Variants in SENP6 observed in about 807,000 individuals in gnomAD.
SENP6 encodes sentrin-specific protease 6.
In SENP6, 41 loss-of-function variants were observed where a neutral mutation model predicts 134.5. The ratio of observed to expected loss-of-function variants is 0.30; its 90% CI spans 0.24 to 0.40. SENP6 has a LOEUF of 0.40. Among genes scored for constraint, SENP6 ranks in the 10% least tolerant of loss-of-function variants. SENP6 has a pLI of 1.00. For missense variants in SENP6, 1,248 were observed against 1,312.5 expected, an observed-to-expected ratio of 0.95 and a Z score of 0.76; for synonymous variants, 395 against 429.8, an observed-to-expected ratio of 0.92 and a Z score of 1.00.
At chr6:75,701,633 C>CTTTTTTTTTT (rs60715314) in intron 18 of SENP6, among the ~76,000 whole-genome samples, 5 of 80,112 alleles carry the variant, frequency 6.2e-5, no homozygotes, top group African/African-American at 9.9e-5. Flanking sequence ...ACAGTTTAAT[C>CTTTTTTTTTT]TTTTTTTTTT....
chr6:75,692,299 T>C (rs1774333937), intron 16 of SENP6, among the ~76,000 whole-genome samples: 1 of 151,908 alleles, frequency 6.6e-6, no homozygotes, highest in African/African-American at 2.4e-5. Flanking sequence ...TGGGTGCATA[T>C]CAGAAAAACG....
intron 19 of SENP6, among the ~76,000 whole-genome samples, chr6:75,707,223 A>C (rs1775457730): frequency 6.6e-6 from 1 of 152,196 alleles, no homozygotes; most frequent in African/African-American, 2.4e-5. Flanking sequence ...TAACTGACTA[A>C]TTCTGAATTA....
intron 11 of SENP6, among the ~76,000 whole-genome samples, chr6:75,675,089 G>T (rs1291550597): frequency 2.0e-5 from 3 of 151,948 alleles, no homozygotes; most frequent in African/African-American, 7.3e-5. Context: ...AGGACCTTCA[G>T]TGATGGGAAA....
chr6:75,684,263 G>A (rs1773672748), intron 16 of SENP6, among the ~76,000 whole-genome samples: 1 of 152,206 alleles, frequency 6.6e-6, no homozygotes, highest in Non-Finnish European at 1.5e-5. Context: ...CTGAGACTTT[G>A]CTGAAGTTGC....
chr6:75,715,038 G>A (rs185066393), intron 23 of SENP6, among the ~76,000 whole-genome samples: 169 of 152,300 alleles, frequency 1.1e-3, no homozygotes, highest in African/African-American at 3.8e-3. Flanking sequence ...TTGCAACTGT[G>A]CAGTCTCTAT....
intron 10 of SENP6, among the ~76,000 whole-genome samples, chr6:75,667,831 T>G (rs1193761056): frequency 6.6e-6 from 1 of 152,184 alleles, no homozygotes; most frequent in African/African-American, 2.4e-5. Flanking sequence ...TTAAGGTATA[T>G]CCATATGATG....
chr6:75,656,672 ACT>A (rs1005029812), intron 7 of SENP6, among the ~76,000 whole-genome samples: 2 of 151,830 alleles, frequency 1.3e-5, no homozygotes, highest in Admixed American at 6.6e-5. Flanking sequence ...TTTTTTCTTA[ACT>A]CTCTATAGAT....
intron 18 of SENP6, among the ~76,000 whole-genome samples, chr6:75,699,599 G>C (rs577107960): frequency 5.3e-5 from 8 of 151,726 alleles, no homozygotes; most frequent in African/African-American, 1.7e-4. Flanking sequence ...GTGATCCTCC[G>C]ACCTCAGCCT....
At chr6:75,711,142 T>C (rs1775721476) in intron 20 of SENP6, among the ~76,000 whole-genome samples, 186 bp from the exon 21 acceptor site, 2 of 152,242 alleles carry the variant, frequency 1.3e-5, no homozygotes, top group Admixed American at 1.3e-4. Flanking sequence ...CCTTAAAATG[T>C]CAGTGTTGTA....
chr6:75,635,792 A>T (rs1769467959), intron 5 of SENP6, among the ~76,000 whole-genome samples: 1 of 152,118 alleles, frequency 6.6e-6, no homozygotes, highest in Non-Finnish European at 1.5e-5. Context: ...ATAAAAGGAG[A>T]GTAATTAGGG....
At chr6:75,607,572 C>T (rs1290413994) in intron 1 of SENP6, among the ~76,000 whole-genome samples, 2 of 150,922 alleles carry the variant, frequency 1.3e-5, no homozygotes, top group Non-Finnish European at 2.9e-5. Context: ...AAGTGAATTC[C>T]TTCTCCTATA....
intron 5 of SENP6, among the ~76,000 whole-genome samples, chr6:75,637,536 CTG>C (rs1769616531): frequency 6.6e-6 from 1 of 152,064 alleles, no homozygotes; most frequent in South Asian, 2.1e-4. Context: ...ATTTAAAAGT[CTG>C]TAGTTCATAC....
At chr6:75,680,721 T>C (rs2149881922) in intron 16 of SENP6, among the ~76,000 whole-genome samples, 1 of 152,250 alleles carries the variant, frequency 6.6e-6, no homozygotes, top group South Asian at 2.1e-4. Context: ...ACCCCTGAAC[T>C]CCATTAGAGA....
intron 20 of SENP6, among the ~76,000 whole-genome samples, chr6:75,709,840 T>TA (rs775256534): frequency 1.3e-5 from 2 of 152,070 alleles, no homozygotes; most frequent in African/African-American, 4.8e-5. Flanking sequence ...GAAAAAGACT[T>TA]TATAAAGTCT....
intron 19 of SENP6, among the ~76,000 whole-genome samples, chr6:75,709,094 T>C (rs1238854943): frequency 6.6e-6 from 1 of 152,192 alleles, no homozygotes; most frequent in Admixed American, 6.5e-5. Flanking sequence ...ATTTTAATTA[T>C]AAAATTATGC....
At chr6:75,711,252 C>A in intron 20 of SENP6, 76 bp from the exon 21 acceptor site, 1 of 984,502 alleles carries the variant, frequency 1.0e-6, no homozygotes, top group Non-Finnish European at 1.5e-6. Context: ...TTTTTGTCTC[C>A]AGTGTGCTAT....
intron 1 of SENP6, among the ~76,000 whole-genome samples, chr6:75,614,917 A>T (rs1487650801): frequency 6.6e-6 from 1 of 151,810 alleles, no homozygotes; most frequent in African/African-American, 2.4e-5. Context: ...AGAGTCTCAC[A>T]CACTTTTTTA....
chr6:75,641,251 A>G (rs145965599), intron 6 of SENP6, among the ~76,000 whole-genome samples: 31 of 152,242 alleles, frequency 2.0e-4, no homozygotes, highest in African/African-American at 6.5e-4. Flanking sequence ...ATTTTTCTAT[A>G]ATGGTTATAT....
rs1233735828 is a variant in SENP6, at chr6:75,623,882, C to T, written c.147-18C>T. 5.1e-6 allele frequency: 8 copies of T among 1,579,002 alleles called. No homozygotes were observed. The highest frequency in any genetic ancestry group is 1.7e-4 in the Middle Eastern group (1 of 5,888). ...TGTGATTGCTACTTATGTTTTTTTC[C>T]CCTTATTTTCTGTGTAGTGGGACAA... On this transcript the variant is annotated intron_variant, in intron 2 of 23. Coordinates refer to ENST00000447266, the MANE Select transcript of SENP6 (RefSeq NM_015571.4).
Sources: allele counts gnomAD v4.1 joint callset (sites outside exome capture counted in the v4.1 genomes callset), GRCh38; gene constraint gnomAD v4.1.1; transcripts MANE v1.5; gene names NCBI Gene and HGNC (gene_info 2026-07-23, HGNC 2026-07-21).